Variants in ITPR2 observed in about 807,000 individuals in gnomAD.
The protein encoded by ITPR2 is inositol 1,4,5-trisphosphate-gated calcium channel ITPR2.
A neutral mutation model predicts 317.1 loss-of-function variants in ITPR2; 207 were observed. The ratio of observed to expected loss-of-function variants is 0.65; its 90% confidence interval spans 0.58 to 0.73. ITPR2 has a LOEUF of 0.73. Ranked by LOEUF, ITPR2 falls within the 30% of genes least tolerant of loss-of-function variation. The pLI is 0.00. For missense variants in ITPR2, 2,613 were observed against 3,284.0 expected, an observed-to-expected ratio of 0.80 and a Z score of 4.99; for synonymous variants, 1,156 against 1,149.1, an observed-to-expected ratio of 1.01 and a Z score of -0.12.
intron 55 of ITPR2, among the ~76,000 whole-genome samples, chr12:26,374,332 A>C (rs1332237421): frequency 1.3e-5 from 2 of 152,192 alleles, no homozygotes; most frequent in Non-Finnish European, 2.9e-5. Flanking sequence ...TTCAGCTCTA[A>C]ACAGGTAACT....
chr12:26,416,135 T>C (rs1320271414), intron 50 of ITPR2, among the ~76,000 whole-genome samples: 1 of 152,108 alleles, frequency 6.6e-6, no homozygotes, highest in Non-Finnish European at 1.5e-5. Context: ...CTTTTGGAAA[T>C]GGAAGTATAA....
At chr12:26,820,271 T>C (rs981267080) in intron 1 of ITPR2, among the ~76,000 whole-genome samples, 5 of 152,256 alleles carry the variant, frequency 3.3e-5, no homozygotes, top group African/African-American at 1.2e-4. Context: ...ATTTAAGAAA[T>C]ATGAGACATT....
chr12:26,696,184 C>T (rs1053106351), intron 9 of ITPR2, among the ~76,000 whole-genome samples: 5 of 152,072 alleles, frequency 3.3e-5, no homozygotes, highest in Non-Finnish European at 7.4e-5. Context: ...ATTTTGGGGC[C>T]AATCTGATGA....
At chr12:26,632,464 C>A (rs1036052855) in intron 21 of ITPR2, among the ~76,000 whole-genome samples, 2 of 152,198 alleles carry the variant, frequency 1.3e-5, no homozygotes, top group African/African-American at 4.8e-5. Context: ...GATACAAAGA[C>A]TGCCTAAAAA....
chr12:26,813,598 C>T (rs113402945), intron 1 of ITPR2, among the ~76,000 whole-genome samples: 1,696 of 152,246 alleles, frequency 0.011, 18 homozygotes, highest in Non-Finnish European at 0.016. Flanking sequence ...TGCTGCCTTT[C>T]CTCTTTGACC....
chr12:26,791,538 CT>C (rs1950340966), intron 1 of ITPR2, among the ~76,000 whole-genome samples: 2 of 152,142 alleles, frequency 1.3e-5, no homozygotes, highest in South Asian at 4.1e-4. Flanking sequence ...ACAGATTTTT[CT>C]GTGGAATCCA....
At chr12:26,423,414 C>T (rs1940953455) in intron 49 of ITPR2, among the ~76,000 whole-genome samples, 1 of 152,150 alleles carries the variant, frequency 6.6e-6, no homozygotes, top group Non-Finnish European at 1.5e-5. Context: ...ATCTGCTAAA[C>T]TCCATTTGCT....
rs1223961086 is a variant in ITPR2 at position 26,475,295 on chromosome 12, C to A, written c.6342+1G>T. On this transcript the variant is annotated splice_donor_variant, in intron 45 of 56. Coordinates refer to ENST00000381340, the MANE Select transcript of ITPR2 (RefSeq NM_002223.4). LOFTEE classifies it high-confidence loss of function. ...TAATGTAAAGATATAAAATGTGACA[C>A]CTGATGGGCCAGAATATAGATATTG... The A allele has an allele frequency of 6.2e-7, 1 of 1,613,676 alleles. No individual in the cohort carries two copies.
At chr12:26,791,710 A>C (rs986754286) in intron 1 of ITPR2, among the ~76,000 whole-genome samples, 7 of 152,210 alleles carry the variant, frequency 4.6e-5, no homozygotes, top group Non-Finnish European at 8.8e-5. Context: ...ATTTATTAGA[A>C]ACAGGAAGTC....
At chr12:26,413,109 T>C (rs1014874664) in intron 51 of ITPR2, among the ~76,000 whole-genome samples, 1 of 152,166 alleles carries the variant, frequency 6.6e-6, no homozygotes, top group Non-Finnish European at 1.5e-5. Context: ...TCACCTCCAC[T>C]TCTCAACAGA....
intron 37 of ITPR2, among the ~76,000 whole-genome samples, chr12:26,514,766 T>A (rs1003281153): frequency 2.0e-5 from 3 of 151,048 alleles, no homozygotes; most frequent in Non-Finnish European, 3.0e-5. Context: ...CATTTTCAAT[T>A]TGGTTACGCA....
chr12:26,792,607 G>A (rs1592136274), intron 1 of ITPR2, among the ~76,000 whole-genome samples: 2 of 151,814 alleles, frequency 1.3e-5, no homozygotes, highest in African/African-American at 4.8e-5. Flanking sequence ...TAAATTTTAA[G>A]CTCCATGAAG....
At chr12:26,745,301 C>T (rs926699533) in intron 2 of ITPR2, among the ~76,000 whole-genome samples, 16 of 152,370 alleles carry the variant, frequency 1.1e-4, no homozygotes, top group Admixed American at 9.1e-4. Context: ...GTTTCTATTG[C>T]ACTTCTAATG....
intron 55 of ITPR2, among the ~76,000 whole-genome samples, chr12:26,343,542 G>A (rs1202129972): frequency 6.6e-6 from 1 of 152,164 alleles, no homozygotes; most frequent in Non-Finnish European, 1.5e-5. Context: ...GGTAAGTTTT[G>A]TGTTATATAT....
intron 9 of ITPR2, among the ~76,000 whole-genome samples, chr12:26,709,519 C>T (rs1948609941): frequency 6.6e-6 from 1 of 152,146 alleles, no homozygotes; most frequent in African/African-American, 2.4e-5. Flanking sequence ...TGGATCCTCA[C>T]TAAGGTTAAT....
At chr12:26,527,505 A>G (rs901309237) in intron 37 of ITPR2, among the ~76,000 whole-genome samples, 18 of 152,252 alleles carry the variant, frequency 1.2e-4, no homozygotes, top group Admixed American at 1.1e-3. Flanking sequence ...ACTTACTGAG[A>G]TAATCAATTC....
chr12:26,810,950 G>A (rs1195958958), intron 1 of ITPR2, among the ~76,000 whole-genome samples: 2 of 147,604 alleles, frequency 1.4e-5, no homozygotes, highest in Non-Finnish European at 3.0e-5. Flanking sequence ...ACAGGCATGA[G>A]CCACCACACC....
intron 2 of ITPR2, among the ~76,000 whole-genome samples, chr12:26,755,126 A>G (rs934262540): frequency 2.6e-5 from 4 of 152,318 alleles, no homozygotes; most frequent in African/African-American, 9.6e-5. Context: ...GACTTAGTGT[A>G]TGTTTTTAAT....
intron 52 of ITPR2, 111 bp from the exon 53 acceptor site, chr12:26,400,369 A>G: frequency 2.2e-6 from 1 of 455,184 alleles, no homozygotes; most frequent in Non-Finnish European, 3.5e-6. Context: ...ATACATAAGT[A>G]TGTAAATTTA....
Sources: allele counts gnomAD v4.1 joint callset (sites outside exome capture counted in the v4.1 genomes callset), GRCh38; gene constraint gnomAD v4.1.1; transcripts MANE v1.5; gene names NCBI Gene and HGNC (gene_info 2026-07-23, HGNC 2026-07-21).